KATNAL2: variants seen among roughly 807,000 people sequenced by gnomAD.
KATNAL2 encodes the protein katanin catalytic subunit A1 like 2.
KATNAL2 carries 52 observed loss-of-function variants against 76.3 expected under a neutral mutation model. The observed-to-expected ratio is 0.68, with a 90% CI of 0.55 to 0.86. KATNAL2 has a LOEUF of 0.86. KATNAL2 is among the 40% of genes least tolerant of loss of function. The probability of loss-of-function intolerance (pLI) is 0.00; values close to 1 mark genes in which losing one functional copy is unlikely to be tolerated. For synonymous variants in KATNAL2, 243 were observed against 244.2 expected (o/e 1.00, Z 0.05); for missense variants, 660 against 668.9 (o/e 0.99, Z 0.15).
intron 14 of KATNAL2, among the ~76,000 whole-genome samples, 164 bp from the exon 15 acceptor site, chr18:47,077,187 A>C (rs2062277010): frequency 6.6e-6 from 1 of 152,200 alleles, no homozygotes; most frequent in Non-Finnish European, 1.5e-5. Flanking sequence ...GTATGTGAAA[A>C]TAACAGCAAA....
At chr18:47,034,958 G>A in intron 3 of KATNAL2, 13 of 1,611,794 alleles carry the variant, frequency 8.1e-6, no homozygotes, top group Non-Finnish European at 1.1e-5. Flanking sequence ...TGGTCCTGAA[G>A]AGCCTCCCCG....
intron 3 of KATNAL2, among the ~76,000 whole-genome samples, chr18:46,961,872 T>G (rs2059976489): frequency 6.6e-6 from 1 of 152,238 alleles, no homozygotes; most frequent in South Asian, 2.1e-4. Context: ...TAGGAGGGCC[T>G]GCAACCGTAT....
chr18:47,043,245 A>AAAAAAAAAAAAAAGAAAAAAT, intron 3 of KATNAL2, among the ~76,000 whole-genome samples: 1 of 93,192 alleles, frequency 1.1e-5, no homozygotes, highest in East Asian at 3.8e-4. Context: ...AAAAAAAAAA[A>AAAAAAAAAAAAAAGAAAAAAT]GAGATCCTAA....
chr18:47,033,144 C>T (rs1482729035), intron 3 of KATNAL2: 2 of 1,614,096 alleles, frequency 1.2e-6, no homozygotes, highest in Admixed American at 1.7e-5. Context: ...TGGCCCGCTT[C>T]TCAGGGAGCC....
intron 1 of KATNAL2, among the ~76,000 whole-genome samples, chr18:46,927,731 G>A (rs1176200639): frequency 3.3e-5 from 5 of 152,120 alleles, no homozygotes; most frequent in African/African-American, 4.8e-5. Flanking sequence ...CCAATCAGAC[G>A]TAGATTTGGT....
intron 3 of KATNAL2, among the ~76,000 whole-genome samples, chr18:46,954,028 G>T (rs2059647520): frequency 6.6e-6 from 1 of 152,016 alleles, no homozygotes; most frequent in Non-Finnish European, 1.5e-5. Context: ...GTGAAAGCAG[G>T]GAATGGAAGG....
rs557919205 is a variant in KATNAL2 at position 47,034,158 on chromosome 18, C to T, written c.52-12299C>T. ...GCTCGAATTCCTCAGCCATATCTAC[C>T]TCCTCCACCTCAGAGAGGGAGCTCA... On this transcript the variant is annotated intron_variant, in intron 3 of 17. Transcript: ENST00000683218. The T allele has an allele frequency of 4.4e-5, 71 of 1,614,214 alleles. No individual in the cohort carries two copies. The South Asian group carries it at 6.9e-4, about 16-fold the overall frequency.
chr18:47,059,177 A>G (rs2061556921), intron 7 of KATNAL2, among the ~76,000 whole-genome samples: 1 of 152,200 alleles, frequency 6.6e-6, no homozygotes, highest in Non-Finnish European at 1.5e-5. Context: ...GATGAGTCCC[A>G]TGGGAGGCTA....
At chr18:47,093,401 C>CTT (rs557793941) in intron 15 of KATNAL2, among the ~76,000 whole-genome samples, 4,516 of 127,654 alleles carry the variant, frequency 0.035, 143 homozygotes, top group African/African-American at 0.083. Flanking sequence ...TTTCTCTGTC[C>CTT]TTTTTTTTTT....
intron 8 of KATNAL2, 49 bp from the exon 9 acceptor site, chr18:47,062,923 A>C: frequency 7.1e-7 from 1 of 1,415,942 alleles, no homozygotes; most frequent in Non-Finnish European, 1.0e-6. Flanking sequence ...TATTAAGAAG[A>C]GTCTTCTCTT....
intron 3 of KATNAL2, among the ~76,000 whole-genome samples, chr18:47,038,122 G>T (rs985770072): frequency 6.6e-6 from 1 of 152,204 alleles, no homozygotes; most frequent in Middle Eastern, 3.2e-3. Context: ...GATTGGAGTT[G>T]AAGTACCTGC....
At chr18:46,959,326 C>T (rs556000315) in intron 3 of KATNAL2, among the ~76,000 whole-genome samples, 3 of 152,356 alleles carry the variant, frequency 2.0e-5, no homozygotes, top group East Asian at 3.9e-4. Flanking sequence ...ACCACTGCTA[C>T]AGCCCTGTGG....
chr18:47,037,148 T>C (rs1187595299), intron 3 of KATNAL2, among the ~76,000 whole-genome samples: 1 of 152,202 alleles, frequency 6.6e-6, no homozygotes, highest in Non-Finnish European at 1.5e-5. Flanking sequence ...TGCAAATTAA[T>C]CTCCATTGCA....
chr18:47,071,581 G>A (rs62095430), intron 13 of KATNAL2, among the ~76,000 whole-genome samples: 3,348 of 151,932 alleles, frequency 0.022, 64 homozygotes, highest in Admixed American at 0.053. Flanking sequence ...ATTAGTTTAG[G>A]TTCATCTCCT....
chr18:47,033,160 A>T, intron 3 of KATNAL2: 2 of 1,614,050 alleles, frequency 1.2e-6, no homozygotes, highest in South Asian at 2.2e-5. Context: ...GAGCCAGCGA[A>T]GGATGCTGCT....
Position 47,075,317 on chromosome 18 carries a change from T to C in KATNAL2, c.1049T>C (p.Ile350Thr), listed in dbSNP as rs1330107703. The change falls in exon 14 of 18, where the codon ATC becomes ACC. Residue 350 changes from isoleucine to threonine, a missense_variant. Physicochemically the swap from Ile to Thr is moderately conservative, Grantham distance 89. Coordinates refer to ENST00000683218, the MANE Select transcript of KATNAL2 (RefSeq NM_001387690.1). ...GCCCGCTACCACGCCCCATCCACGA[T>C]CTTCCTGGACGAGCTGGAGTCGGTG... ...ELARYHAPST[I>T]FLDELESVMS... The C allele has an allele frequency of 2.2e-5, 35 of 1,561,940 alleles. No homozygotes were observed. The highest frequency in any genetic ancestry group is 2.9e-5 in the Non-Finnish European group (34 of 1,158,978).
At chr18:46,942,074 A>G (rs4890703) in intron 1 of KATNAL2, among the ~76,000 whole-genome samples, 94,129 of 152,008 alleles carry the variant, frequency 0.62, 30,581 homozygotes, top group African/African-American at 0.82. Flanking sequence ...GAATGAGTCA[A>G]GGTGGAGTAG....
intron 15 of KATNAL2, chr18:47,098,960 G>C: frequency 3.3e-6 from 1 of 304,740 alleles, no homozygotes; most frequent in Non-Finnish European, 6.1e-6. Context: ...TTAGTTCTGA[G>C]AATGTGCTCT....
At chr18:46,960,791 TA>T (rs1392972906) in intron 3 of KATNAL2, among the ~76,000 whole-genome samples, 1 of 152,178 alleles carries the variant, frequency 6.6e-6, no homozygotes, top group Non-Finnish European at 1.5e-5. Context: ...TAACAAAGCT[TA>T]ACAACAAGCT....
Sources: allele counts gnomAD v4.1 joint callset (sites outside exome capture counted in the v4.1 genomes callset), GRCh38; gene constraint gnomAD v4.1.1; transcripts MANE v1.5; gene names NCBI Gene and HGNC (gene_info 2026-07-23, HGNC 2026-07-21).